Variants in CPNE4 observed in about 807,000 individuals in gnomAD.
CPNE4 encodes copine-4.
A neutral mutation model predicts 67.9 loss-of-function variants in CPNE4; 25 were observed. The observed-to-expected ratio is 0.37, with a 90% CI of 0.27 to 0.51. The LOEUF (loss-of-function observed/expected upper bound fraction) is 0.51, where lower values mean the gene tolerates loss of function less well. Ranked by LOEUF, CPNE4 falls within the 20% of genes least tolerant of loss-of-function variation. The pLI is 0.93. For synonymous variants in CPNE4, 242 were observed against 244.9 expected, an observed-to-expected ratio of 0.99 and a Z score of 0.11; for missense variants, 464 against 690.8, an observed-to-expected ratio of 0.67 and a Z score of 3.68.
chr3:131,996,795 G>T (rs1366107837), intron 1 of CPNE4, among the ~76,000 whole-genome samples: 1 of 152,054 alleles, frequency 6.6e-6, no homozygotes, highest in Non-Finnish European at 1.5e-5. Context: ...TGAGGGAATG[G>T]CCATATTGCT....
intron 1 of CPNE4, among the ~76,000 whole-genome samples, chr3:132,025,328 G>A (rs181020667): frequency 6.6e-6 from 1 of 152,260 alleles, no homozygotes; most frequent in East Asian, 1.9e-4. Flanking sequence ...TGTTCCTGGG[G>A]CCAGTACTAA....
chr3:131,631,889 A>ACTTTTTT lies in CPNE4; in HGVS notation c.681+37779_681+37785dup, dbSNP rs533349394. Among the ~76,000 whole-genome samples the ACTTTTTT allele has an allele frequency of 4.2e-3, 596 of 143,336 alleles. 4 individuals carry two copies. Among genetic ancestry groups the ACTTTTTT allele is most frequent in the Non-Finnish European group, 6.6e-3 (445 of 67,180 alleles). The allele number at this position is 143,336 out of a possible 152,430, so 94.0% of individuals were successfully genotyped here. On this transcript the variant is annotated intron_variant, in intron 7 of 15. Transcript: ENST00000429747. ...CACGTAATTATCCCCCCTCCCCAACACTTTTTTCTTTTTTCTTTTTTTTTG... is the reference window on the plus strand; with the variant it reads ...CACGTAATTATCCCCCCTCCCCAACACTTTTTTCTTTTTTCTTTTTTCTTTTTTTTTG...
chr3:132,006,655 A>ATTTTTTTTTTTTTT (rs113475309), intron 1 of CPNE4, among the ~76,000 whole-genome samples: 1 of 149,590 alleles, frequency 6.7e-6, no homozygotes, highest in African/African-American at 2.4e-5. Flanking sequence ...CTTTCTTTCC[A>ATTTTTTTTTTTTTT]TTTTTTTTTG....
At chr3:131,733,527 C>A (rs534254607) in intron 2 of CPNE4, among the ~76,000 whole-genome samples, 1 of 152,320 alleles carries the variant, frequency 6.6e-6, no homozygotes, top group South Asian at 2.1e-4. Context: ...GCCGTATACC[C>A]CCCAACTCCA....
intron 9 of CPNE4, among the ~76,000 whole-genome samples, chr3:131,580,760 A>T (rs1310801042): frequency 3.4e-4 from 52 of 152,220 alleles, no homozygotes. Context: ...TTTAATTATT[A>T]GCACATGTGA....
intron 2 of CPNE4, among the ~76,000 whole-genome samples, chr3:131,903,492 G>A (rs141753741): frequency 7.9e-5 from 12 of 151,912 alleles, no homozygotes; most frequent in African/African-American, 7.2e-5. Context: ...ACCTAGCTGC[G>A]GAATTCAACC....
chr3:131,957,863 C>T (rs1355469684), intron 1 of CPNE4, among the ~76,000 whole-genome samples: 2 of 152,302 alleles, frequency 1.3e-5, no homozygotes, highest in South Asian at 2.1e-4. Flanking sequence ...GAGGCAAAAC[C>T]GCAAAGCCAG....
In CPNE4 at chr3:131,643,986, G is replaced by A. The variant is rs1502676; in HGVS notation, c.681+25689C>T. Among the ~76,000 whole-genome samples, 237 of 152,094 alleles carry A rather than the reference G, an allele frequency of 1.6e-3. 1 individual carries two copies. Among genetic ancestry groups the A allele is most frequent in the Non-Finnish European group, 2.6e-3 (177 of 67,988 alleles). On this transcript the variant is annotated intron_variant, in intron 7 of 15. Transcript: ENST00000429747. ...AGTCTTGGTATTTCTTCATAGCAGCGCGAGAGTGGACTAATACAGTGCCCA... is the reference window on the plus strand; with the variant it reads ...AGTCTTGGTATTTCTTCATAGCAGCACGAGAGTGGACTAATACAGTGCCCA...
At chr3:131,683,682 A>G (rs554629429) in intron 6 of CPNE4, among the ~76,000 whole-genome samples, 5 of 152,018 alleles carry the variant, frequency 3.3e-5, no homozygotes, top group Non-Finnish European at 7.4e-5. Flanking sequence ...TAGGTTGTAT[A>G]CCCTCATAGC....
chr3:131,936,786 A>G (rs2071236048), intron 1 of CPNE4, among the ~76,000 whole-genome samples: 3 of 152,108 alleles, frequency 2.0e-5, no homozygotes, highest in Non-Finnish European at 1.5e-5. Context: ...GAAGACAATG[A>G]GCACAAATAT....
At chr3:131,794,690 G>A (rs1179961170) in intron 2 of CPNE4, among the ~76,000 whole-genome samples, 1 of 152,200 alleles carries the variant, frequency 6.6e-6, no homozygotes, top group Non-Finnish European at 1.5e-5. Context: ...GACTTGCATT[G>A]ATAAGGAGTG....
In CPNE4 at chr3:131,685,868, C is replaced by G; in HGVS notation, c.591+7G>C. ...GATAAGAGGGCATAGCTGAAGATGA[C>G]TCTTACCTCAGTTCGGTGCACCAGC... On this transcript the variant is annotated splice_region_variant and intron_variant, in intron 6 of 15. Coordinates refer to ENST00000429747, the MANE Select transcript of CPNE4 (RefSeq NM_130808.3). 1.9e-6 allele frequency: 3 copies of G among 1,600,414 alleles called. No homozygotes were observed. The African/African-American group carries it at 4.0e-5, about 21-fold the overall frequency.
rs1039360949 is a variant in CPNE4 at position 132,034,568 on chromosome 3, T to G, written c.-3A>C. 1.0e-6 allele frequency: 1 copy of G among 984,594 alleles called. No homozygotes were observed. The highest frequency in any genetic ancestry group is 1.7e-5 in the African/African-American group (1 of 57,220). The allele number at this position is 984,594 out of a possible 1,614,324, so 61.0% of individuals were successfully genotyped here. ...AATGAAGAGTTGGCATTTACTTACC[T>G]GGGTGTGCCAATCTCGAAGAGTGGA... On this transcript the variant is annotated splice_region_variant and 5_prime_UTR_variant, in exon 1 of 16. Transcript: ENST00000429747.
intron 1 of CPNE4, among the ~76,000 whole-genome samples, chr3:132,033,010 T>C (rs1487873696): frequency 2.0e-5 from 3 of 152,242 alleles, no homozygotes; most frequent in African/African-American, 7.2e-5. Flanking sequence ...GTTTTTTTGT[T>C]TTGTTATAAA....
At chr3:131,707,572 T>C (rs1286665193) in intron 3 of CPNE4, among the ~76,000 whole-genome samples, 1 of 152,222 alleles carries the variant, frequency 6.6e-6, no homozygotes, top group Non-Finnish European at 1.5e-5. Flanking sequence ...CAAGGTTCCA[T>C]AGCCAGTAAT....
At chr3:131,866,065 C>A (rs1037762772) in intron 2 of CPNE4, among the ~76,000 whole-genome samples, 3 of 152,226 alleles carry the variant, frequency 2.0e-5, no homozygotes, top group African/African-American at 4.8e-5. Flanking sequence ...GAGGTAATCC[C>A]TGAAAGGACT....
At chr3:131,975,949 C>T (rs1214592721) in intron 1 of CPNE4, among the ~76,000 whole-genome samples, 7 of 151,802 alleles carry the variant, frequency 4.6e-5, no homozygotes, top group Non-Finnish European at 1.0e-4. Context: ...TCCTCTGATA[C>T]GGTGCGGTAA....
At chr3:131,655,846 G>C (rs1020587852) in intron 7 of CPNE4, among the ~76,000 whole-genome samples, 4 of 152,090 alleles carry the variant, frequency 2.6e-5, no homozygotes, top group Admixed American at 2.6e-4. Flanking sequence ...ATTTATCATG[G>C]TTAGTACTAG....
intron 1 of CPNE4, among the ~76,000 whole-genome samples, chr3:131,952,738 G>A (rs1190244738): frequency 6.6e-6 from 1 of 152,146 alleles, no homozygotes; most frequent in African/African-American, 2.4e-5. Context: ...CGTCTGGGAG[G>A]TGTACCCAAC....
Sources: allele counts gnomAD v4.1 joint callset (sites outside exome capture counted in the v4.1 genomes callset), GRCh38; gene constraint gnomAD v4.1.1; transcripts MANE v1.5; gene names NCBI Gene and HGNC (gene_info 2026-07-23, HGNC 2026-07-21).